ELMOD3: variants seen among roughly 807,000 people sequenced by gnomAD.
ELMOD3 encodes the protein ELMO domain containing 3.
A neutral mutation model predicts 47.4 loss-of-function variants in ELMOD3; 36 were observed. That is an observed-to-expected ratio of 0.76 (90% confidence interval 0.58 to 1.00). The LOEUF is 1.00. Among genes scored for constraint, ELMOD3 ranks in the 50% least tolerant of loss-of-function variants. The pLI is 0.00. For missense variants in ELMOD3, 404 were observed against 463.8 expected, an observed-to-expected ratio of 0.87 and a Z score of 1.18; for synonymous variants, 149 against 183.5, an observed-to-expected ratio of 0.81 and a Z score of 1.52.
intron 11 of ELMOD3, among the ~76,000 whole-genome samples, chr2:85,385,829 G>A (rs1017175553): frequency 2.6e-5 from 4 of 152,016 alleles, no homozygotes; most frequent in African/African-American, 9.7e-5. Flanking sequence ...AATTTCCAGT[G>A]AGGGCTTTTG....
At chr2:85,381,174 G>C (rs890606103) in intron 11 of ELMOD3, among the ~76,000 whole-genome samples, 1 of 152,032 alleles carries the variant, frequency 6.6e-6, no homozygotes, top group Non-Finnish European at 1.5e-5. Context: ...GGACTTTATG[G>C]AGCCTAATAT....
intron 4 of ELMOD3, among the ~76,000 whole-genome samples, chr2:85,361,692 G>A (rs1683967470): frequency 6.6e-6 from 1 of 152,140 alleles, no homozygotes; most frequent in African/African-American, 2.4e-5. Flanking sequence ...CACTTTGGGA[G>A]GCCGAGGCGG....
At chr2:85,369,693 C>T in intron 7 of ELMOD3, 46 bp from the exon 8 acceptor site, 1 of 1,595,510 alleles carries the variant, frequency 6.3e-7, no homozygotes, top group Non-Finnish European at 8.5e-7. Context: ...TGTTTGTTGA[C>T]AGAATGACTC....
At chr2:85,368,863 T>C (rs1684588898) in intron 7 of ELMOD3, 109 bp downstream of exon 7, 2 of 1,110,018 alleles carry the variant, frequency 1.8e-6, no homozygotes, top group Admixed American at 3.8e-5. Flanking sequence ...ATAGAATTCC[T>C]GAGAGTGCTC....
Position 85,371,512 on chromosome 2 carries a change from A to C in ELMOD3, c.557A>C (p.Lys186Thr). ...QTIYKKLTGSKFDCALHGNHW... is the reference protein window; with the variant it reads ...QTIYKKLTGSTFDCALHGNHW... Reference sequence around the variant, plus strand: ...ATCTATAAGAAGCTGACCGGCTCCAAGTTTGACTGTGCCCTTCATGGAAAC... The same window carrying C: ...ATCTATAAGAAGCTGACCGGCTCCACGTTTGACTGTGCCCTTCATGGAAAC... The change falls in exon 10 of 14, where the codon AAG becomes ACG. Residue 186 changes from lysine (K) to threonine (T), a missense_variant. Transcript: ENST00000409013. 1 of 1,614,248 alleles carries C rather than the reference A, an allele frequency of 6.2e-7. No individual in the cohort carries two copies. Among genetic ancestry groups the C allele is most frequent in the African/African-American group, 1.3e-5 (1 of 75,074 alleles).
At chr2:85,381,920 A>T (rs1181514654) in intron 11 of ELMOD3, among the ~76,000 whole-genome samples, 2 of 151,846 alleles carry the variant, frequency 1.3e-5, no homozygotes, top group Non-Finnish European at 2.9e-5. Context: ...GATCAAGACC[A>T]TCCTGGCCAA....
chr2:85,387,323 C>A, intron 11 of ELMOD3: 1 of 754,048 alleles, frequency 1.3e-6, no homozygotes, highest in Non-Finnish European at 1.7e-6. Context: ...CTCACAGCAA[C>A]TCTGTGAGGT....
intron 6 of ELMOD3, among the ~76,000 whole-genome samples, chr2:85,367,956 A>G (rs1306044908): frequency 2.0e-5 from 3 of 149,684 alleles, no homozygotes; most frequent in East Asian, 2.0e-4. Context: ...TCTGTTGCCC[A>G]GGCTGGAGTG....
At position 85,361,230 on chromosome 2, in the gene ELMOD3, G is replaced by C. The variant is rs763244794; in HGVS notation, c.55-956G>C. Among the ~76,000 whole-genome samples the C allele has an allele frequency of 9.3e-4, 142 of 152,342 alleles. 1 individual carries two copies. The highest frequency in any genetic ancestry group is 1.4e-3 in the Non-Finnish European group (94 of 68,038). On this transcript the variant is annotated intron_variant, in intron 4 of 13. Transcript: ENST00000409013. ...GGTTTTTTGTTTTTCATCTGTAGCA[G>C]GGGATAGGTTTGGCTGAGCAGAAAG...
At chr2:85,371,601 C>G (rs755545293) in intron 10 of ELMOD3, 39 bp downstream of exon 10, 136 of 1,612,354 alleles carry the variant, frequency 8.4e-5, no homozygotes, top group Non-Finnish European at 1.0e-4. Flanking sequence ...TTTCATGCCT[C>G]TGATTCCAGG....
At chr2:85,383,073 C>CA (rs565248845) in intron 11 of ELMOD3, among the ~76,000 whole-genome samples, 35,147 of 136,996 alleles carry the variant, frequency 0.26, 4,797 homozygotes, top group East Asian at 0.39. Context: ...AGTAAAACTC[C>CA]AAAAAAAAAA....
intron 11 of ELMOD3, among the ~76,000 whole-genome samples, chr2:85,380,856 A>C (rs1685492013): frequency 6.6e-6 from 1 of 152,152 alleles, no homozygotes; most frequent in South Asian, 2.1e-4. Context: ...CACCTTCTAA[A>C]GAGGACCAAA....
intron 10 of ELMOD3, chr2:85,371,804 AG>A: frequency 2.5e-6 from 1 of 404,544 alleles, no homozygotes; most frequent in South Asian, 2.6e-5. Flanking sequence ...GAGGCTGAAG[AG>A]GGCAGATTAC....
chr2:85,386,734 G>A (rs1285644722), intron 11 of ELMOD3, among the ~76,000 whole-genome samples: 2 of 152,098 alleles, frequency 1.3e-5, no homozygotes, highest in Non-Finnish European at 2.9e-5. Flanking sequence ...GGTGGCTCAC[G>A]CCTGTAATCC....
At chr2:85,365,099 G>A (rs1684281189) in intron 6 of ELMOD3, among the ~76,000 whole-genome samples, 1 of 148,314 alleles carries the variant, frequency 6.7e-6, no homozygotes, top group Admixed American at 6.7e-5. Flanking sequence ...ATGGTGGCAT[G>A]TGCCTATATC....
At chr2:85,360,806 G>T in intron 4 of ELMOD3, 1 of 275,748 alleles carries the variant, frequency 3.6e-6, no homozygotes, top group South Asian at 4.3e-5. Context: ...TAATGATGTT[G>T]ATCAGGAAAT....
At position 85,363,305 on chromosome 2, in the gene ELMOD3, T is replaced by C. The variant is rs1484181553; in HGVS notation, c.199+139T>C. ...AGATGTATCAGTCCTTGGGGAAAAA[T>C]AGAATCAACACTGAATTAGGAATCA... On this transcript the variant is annotated intron_variant, in intron 6 of 13. Coordinates refer to ENST00000409013, the MANE Select transcript of ELMOD3 (RefSeq NM_001135022.2). The C allele has an allele frequency of 8.1e-6, 5 of 616,378 alleles. No homozygotes were observed. In the African/African-American group the frequency reaches 9.3e-5, roughly 11 times the overall value. The allele number at this position is 616,378 out of a possible 1,614,324, so 38.2% of individuals were successfully genotyped here. A position where few individuals can be genotyped will look rare whatever the true frequency, so the allele number is the denominator to read the frequency against.
chr2:85,387,318 A>G (rs1457760590), intron 11 of ELMOD3: 5 of 842,490 alleles, frequency 5.9e-6, no homozygotes, highest in Non-Finnish European at 7.4e-6. Flanking sequence ...TAATGCTCAC[A>G]GCAACTCTGT....
Position 85,391,231 on chromosome 2 carries a change from T to C in ELMOD3, c.*269T>C. On this transcript the variant is annotated 3_prime_UTR_variant, in exon 14 of 14. Transcript: ENST00000409013. ...TTGGGCTCCAGTCTCCGGGTTGAATTCCAGTGTATCCCACTGGGAGTGAAT... is the reference window on the plus strand; with the variant it reads ...TTGGGCTCCAGTCTCCGGGTTGAATCCCAGTGTATCCCACTGGGAGTGAAT... The C allele has an allele frequency of 2.4e-6, 1 of 425,450 alleles. No homozygotes were observed. The highest frequency in any genetic ancestry group is 2.6e-5 in the South Asian group (1 of 38,374). The allele number at this position is 425,450 out of a possible 1,614,324, so 26.4% of individuals were successfully genotyped here. A position where few individuals can be genotyped will look rare whatever the true frequency, so the allele number is the denominator to read the frequency against.
Sources: allele counts gnomAD v4.1 joint callset (sites outside exome capture counted in the v4.1 genomes callset), GRCh38; gene constraint gnomAD v4.1.1; transcripts MANE v1.5; gene names NCBI Gene and HGNC (gene_info 2026-07-23, HGNC 2026-07-21).